The following SRGAP3 variants were observed in gnomAD, a reference collection of about 807,000 sequenced individuals.
SRGAP3 encodes SLIT-ROBO Rho GTPase-activating protein 3.
A neutral mutation model predicts 121.1 loss-of-function variants in SRGAP3; 39 were observed. That is an observed-to-expected ratio of 0.32 (90% CI 0.25 to 0.42). SRGAP3 has a LOEUF of 0.42. Ranked by LOEUF, SRGAP3 falls within the 10% of genes least tolerant of loss-of-function variation. The pLI, the probability that SRGAP3 is intolerant of heterozygous loss-of-function variation, is 1.00. For missense variants in SRGAP3, 1,213 were observed against 1,470.6 expected, an observed-to-expected ratio of 0.82 and a Z score of 2.86; for synonymous variants, 601 against 570.0, an observed-to-expected ratio of 1.05 and a Z score of -0.77.
chr3:9,203,373 T>G (rs1182552033), intron 1 of SRGAP3, among the ~76,000 whole-genome samples: 1 of 152,220 alleles, frequency 6.6e-6, no homozygotes, highest in South Asian at 2.1e-4. Context: ...TTCCTATCTA[T>G]ACATTGATAA....
chr3:9,302,691 G>A (rs1025722641), intron 3 of SRGAP3, among the ~76,000 whole-genome samples: 2 of 152,222 alleles, frequency 1.3e-5, no homozygotes, highest in African/African-American at 4.8e-5. Flanking sequence ...CCAGGTTCTT[G>A]CAGTGAGGAA....
At chr3:9,149,613 C>T (rs568315087) in intron 1 of SRGAP3, among the ~76,000 whole-genome samples, 39 of 152,308 alleles carry the variant, frequency 2.6e-4, no homozygotes, top group African/African-American at 8.9e-4. Context: ...CCTGCCATCA[C>T]CAGCAGCACA....
intron 9 of SRGAP3, 95 bp from the exon 10 acceptor site, chr3:9,047,570 C>G (rs2244864): frequency 0.73 from 915,109 of 1,251,204 alleles, 336,722 homozygotes; most frequent in African/African-American, 0.88. Context: ...GGAAGCCGAA[C>G]AGAGATCACG....
chr3:9,293,406 G>A (rs1384961489), intron 3 of SRGAP3: 1 of 152,182 alleles, frequency 6.6e-6, no homozygotes, highest in African/African-American at 2.4e-5. Context: ...CTGATGGTAA[G>A]ATCTTAATGA....
At chr3:9,061,601 T>C (rs1345474386) in intron 5 of SRGAP3, among the ~76,000 whole-genome samples, 1 of 152,224 alleles carries the variant, frequency 6.6e-6, no homozygotes, top group Non-Finnish European at 1.5e-5. Context: ...TACTTGTTGA[T>C]TGTCAGTGAT....
chr3:9,294,218 T>G (rs1954913967), intron 3 of SRGAP3, among the ~76,000 whole-genome samples: 1 of 152,198 alleles, frequency 6.6e-6, no homozygotes. Context: ...TCATGTCCTT[T>G]GCAGGGACAT....
chr3:9,012,166 G>A (rs556975465), intron 17 of SRGAP3, among the ~76,000 whole-genome samples: 2 of 152,324 alleles, frequency 1.3e-5, no homozygotes, highest in East Asian at 3.9e-4. Flanking sequence ...AGGCATGTGG[G>A]AAGGAAACAC....
chr3:9,329,725 G>C (rs1359635865), intron 2 of SRGAP3, among the ~76,000 whole-genome samples: 4 of 152,186 alleles, frequency 2.6e-5, no homozygotes, highest in Non-Finnish European at 4.4e-5. Flanking sequence ...CCACTTGTTA[G>C]CAGCAAAGGG....
intron 13 of SRGAP3, among the ~76,000 whole-genome samples, chr3:9,026,664 C>T (rs1944221127): frequency 6.6e-6 from 1 of 152,218 alleles, no homozygotes; most frequent in African/African-American, 2.4e-5. Context: ...GCTCAAAGCA[C>T]AGAGCTATAG....
intron 3 of SRGAP3, among the ~76,000 whole-genome samples, chr3:9,260,167 T>C (rs73021262): frequency 0.13 from 19,893 of 152,126 alleles, 1,696 homozygotes; most frequent in African/African-American, 0.22. Context: ...GACCAGGAGA[T>C]TCCCTCGGGT....
intron 1 of SRGAP3, among the ~76,000 whole-genome samples, chr3:9,173,350 C>T (rs1951057486): frequency 6.6e-6 from 1 of 152,210 alleles, no homozygotes; most frequent in African/African-American, 2.4e-5. Context: ...GGGTCATTGC[C>T]AGTGAAAGCA....
chr3:9,355,334 A>G (rs1158646475), intron 1 of SRGAP3, among the ~76,000 whole-genome samples: 1 of 152,092 alleles, frequency 6.6e-6, no homozygotes, highest in African/African-American at 2.4e-5. Context: ...GCTCCCTAAC[A>G]TTGTCCAGGC....
chr3:9,260,414 T>C (rs1559248384), intron 3 of SRGAP3, among the ~76,000 whole-genome samples: 1 of 152,138 alleles, frequency 6.6e-6, no homozygotes, highest in Non-Finnish European at 1.5e-5. Context: ...AAATTATCGC[T>C]GCCAGCACAG....
intron 1 of SRGAP3, among the ~76,000 whole-genome samples, chr3:9,152,971 C>T (rs1230059786): frequency 6.6e-6 from 1 of 152,232 alleles, no homozygotes; most frequent in Admixed American, 6.5e-5. Flanking sequence ...TCTGCCCAGT[C>T]CTGCTGCCTT....
At chr3:9,070,612 T>C (rs1438214354) in intron 4 of SRGAP3, among the ~76,000 whole-genome samples, 1 of 151,516 alleles carries the variant, frequency 6.6e-6, no homozygotes, top group East Asian at 1.9e-4. Flanking sequence ...GATGAACAGA[T>C]GGGTGGGTGG....
intron 5 of SRGAP3, among the ~76,000 whole-genome samples, chr3:9,063,296 T>A (rs926097627): frequency 3.3e-5 from 5 of 151,810 alleles, no homozygotes; most frequent in Admixed American, 2.0e-4. Flanking sequence ...ACCTGCCTAA[T>A]TTTTCTATTT....
At chr3:9,294,442 T>C (rs542698489) in intron 3 of SRGAP3, among the ~76,000 whole-genome samples, 38 of 152,038 alleles carry the variant, frequency 2.5e-4, no homozygotes, top group Admixed American at 6.6e-4. Flanking sequence ...AATACTTGAG[T>C]GATGAAATAA....
At chr3:9,015,907 A>G (rs891588169) in intron 14 of SRGAP3, 176 bp from the exon 15 acceptor site, 2 of 663,662 alleles carry the variant, frequency 3.0e-6, no homozygotes, top group African/African-American at 3.6e-5. Context: ...CCTGCAACTT[A>G]TTTGAAAATG....
chr3:9,106,614 A>G (rs1210327568), intron 2 of SRGAP3, among the ~76,000 whole-genome samples: 2 of 152,128 alleles, frequency 1.3e-5, no homozygotes, highest in African/African-American at 2.4e-5. Context: ...TATTCTCGTG[A>G]TAGTGAATAC....
Sources: allele counts gnomAD v4.1 joint callset (sites outside exome capture counted in the v4.1 genomes callset), GRCh38; gene constraint gnomAD v4.1.1; transcripts MANE v1.5; gene names NCBI Gene and HGNC (gene_info 2026-07-23, HGNC 2026-07-21).